The following EPHB1 variants were observed in gnomAD, a reference collection of about 807,000 sequenced individuals.
EPHB1 encodes the protein EPH receptor B1.
A neutral mutation model predicts 94.4 loss-of-function variants in EPHB1; 30 were observed. The observed-to-expected ratio is 0.32, with a 90% CI of 0.24 to 0.43. The LOEUF is 0.43. EPHB1 is among the 20% of genes least tolerant of loss of function. EPHB1 has a pLI of 1.00. For missense variants in EPHB1, 1,055 were observed against 1,308.3 expected, an observed-to-expected ratio of 0.81 and a Z score of 2.99; for synonymous variants, 522 against 489.1, an observed-to-expected ratio of 1.07 and a Z score of -0.89.
chr3:135,152,460 C>G (rs1378539041), intron 5 of EPHB1, among the ~76,000 whole-genome samples: 1 of 152,038 alleles, frequency 6.6e-6, no homozygotes, highest in African/African-American at 2.4e-5. Flanking sequence ...TAATTCAGAC[C>G]CTCCATGAAG....
chr3:135,231,953 T>G (rs538946575), intron 12 of EPHB1, among the ~76,000 whole-genome samples: 2 of 152,152 alleles, frequency 1.3e-5, no homozygotes, highest in African/African-American at 2.4e-5. Context: ...TGGAAAGAAA[T>G]AAGCAGCAGG....
intron 2 of EPHB1, among the ~76,000 whole-genome samples, chr3:134,939,607 C>G (rs969823914): frequency 2.0e-5 from 3 of 152,152 alleles, no homozygotes; most frequent in Admixed American, 2.0e-4. Context: ...AATATCCAAG[C>G]TTTTTCAGGC....
intron 12 of EPHB1, among the ~76,000 whole-genome samples, chr3:135,213,608 T>C (rs1452468954): frequency 6.6e-6 from 1 of 152,168 alleles, no homozygotes; most frequent in Non-Finnish European, 1.5e-5. Context: ...ACGTACACAC[T>C]CACAAACTTG....
chr3:134,913,388 G>A (rs1261926425), intron 1 of EPHB1, among the ~76,000 whole-genome samples: 1 of 152,138 alleles, frequency 6.6e-6, no homozygotes, highest in Non-Finnish European at 1.5e-5. Flanking sequence ...TCATTTTACT[G>A]TAAAGAGAAA....
At position 134,817,940 on chromosome 3, in the gene EPHB1, A is replaced by C. The variant is rs183559410; in HGVS notation, c.58+22251A>C. 7.4e-4 allele frequency among the ~76,000 whole-genome samples: 113 copies of C among 152,328 alleles called. 2 individuals carry two copies. Among genetic ancestry groups the C allele is most frequent in the Non-Finnish European group, 1.2e-4 (8 of 68,030 alleles). On this transcript the variant is annotated intron_variant, in intron 1 of 15. Coordinates refer to ENST00000398015, the MANE Select transcript of EPHB1 (RefSeq NM_004441.5). The stretch of plus-strand genomic sequence containing the variant: ...CTGTCTGCCACATGCAGCCAGGTTC[A>C]CAGACACCTCTTGAGGTCCTGTGCC...
rs189291641 is a variant in EPHB1 at position 134,940,247 on chromosome 3, G to A, written c.124-11124G>A. Among the ~76,000 whole-genome samples, 6 of 152,290 alleles carry A rather than the reference G, an allele frequency of 3.9e-5. No individual in the cohort carries two copies. In the East Asian group the frequency reaches 1.2e-3, roughly 29 times the overall value. On this transcript the variant is annotated intron_variant, in intron 2 of 15. Transcript: ENST00000398015. Reference sequence around the variant, plus strand: ...ATCCTGAGGTTAACATAATCACGATGATGATGATCATAATAATAATGTTAA... The same window carrying A: ...ATCCTGAGGTTAACATAATCACGATAATGATGATCATAATAATAATGTTAA...
At chr3:134,909,920 T>G (rs2038416482) in intron 1 of EPHB1, among the ~76,000 whole-genome samples, 1 of 152,146 alleles carries the variant, frequency 6.6e-6, no homozygotes, top group Admixed American at 6.5e-5. Context: ...AGCCTCAGAC[T>G]TCAGTCCAAA....
chr3:134,876,812 A>G (rs1469479162), intron 1 of EPHB1, among the ~76,000 whole-genome samples: 1 of 152,190 alleles, frequency 6.6e-6, no homozygotes, highest in Non-Finnish European at 1.5e-5. Context: ...CTCCTCCTAA[A>G]GAAAGGGGCT....
intron 1 of EPHB1, among the ~76,000 whole-genome samples, chr3:134,899,022 T>C (rs1341544102): frequency 6.6e-6 from 1 of 152,126 alleles, no homozygotes; most frequent in Non-Finnish European, 1.5e-5. Context: ...CATGTGTCAG[T>C]TCTTGATTGT....
chr3:135,093,012 C>G (rs570761285), intron 3 of EPHB1, among the ~76,000 whole-genome samples: 1 of 152,208 alleles, frequency 6.6e-6, no homozygotes, highest in Admixed American at 6.5e-5. Context: ...CCTTACACTT[C>G]TGATTCCTGC....
intron 1 of EPHB1, among the ~76,000 whole-genome samples, chr3:134,819,630 C>G (rs1457933536): frequency 1.3e-5 from 2 of 152,218 alleles, no homozygotes; most frequent in African/African-American, 4.8e-5. Flanking sequence ...CTCAATGCAG[C>G]AGTGTGGGGT....
chr3:135,221,168 G>A (rs1354066437), intron 12 of EPHB1, among the ~76,000 whole-genome samples: 1 of 152,182 alleles, frequency 6.6e-6, no homozygotes, highest in Non-Finnish European at 1.5e-5. Flanking sequence ...AAGGGCAAAA[G>A]TTTGGCCAAG....
intron 3 of EPHB1, among the ~76,000 whole-genome samples, chr3:135,093,931 T>A (rs933734336): frequency 9.9e-5 from 15 of 152,164 alleles, no homozygotes; most frequent in African/African-American, 3.6e-4. Context: ...CTTGATGGGG[T>A]CATGATTTTC....
intron 3 of EPHB1, among the ~76,000 whole-genome samples, chr3:135,062,597 G>A (rs1937529314): frequency 6.6e-6 from 1 of 152,132 alleles, no homozygotes; most frequent in Non-Finnish European, 1.5e-5. Flanking sequence ...TCCTTTGTCA[G>A]ATGTATAGAT....
intron 9 of EPHB1, among the ~76,000 whole-genome samples, chr3:135,174,160 C>A (rs1376977973): frequency 6.6e-6 from 1 of 152,170 alleles, no homozygotes; most frequent in Non-Finnish European, 1.5e-5. Flanking sequence ...CAAGATGAGC[C>A]CCCCGATGCC....
chr3:134,910,784 C>A (rs905921085), intron 1 of EPHB1, among the ~76,000 whole-genome samples: 1 of 152,202 alleles, frequency 6.6e-6, no homozygotes, highest in Admixed American at 6.5e-5. Context: ...ATCTCACAGA[C>A]AAGAGTGTGC....
Position 134,854,840 on chromosome 3 carries a change from TTG to T in EPHB1, c.58+59153_58+59154del, listed in dbSNP as rs535409136. Among the ~76,000 whole-genome samples the T allele has an allele frequency of 2.2e-3, 331 of 152,334 alleles. 2 individuals are homozygous for T. The highest frequency in any genetic ancestry group is 7.4e-3 in the African/African-American group (308 of 41,578). On this transcript the variant is annotated intron_variant, in intron 1 of 15. Transcript: ENST00000398015. Reference sequence around the variant, plus strand: ...TCACCTATTTTTCTTTAGAGAATTTTTGTTGCCTTTTTTCATATTGTAAAACA... The same window carrying T: ...TCACCTATTTTTCTTTAGAGAATTTTTTGCCTTTTTTCATATTGTAAAACA...
At chr3:134,822,812 G>T (rs2108290505) in intron 1 of EPHB1, among the ~76,000 whole-genome samples, 1 of 152,266 alleles carries the variant, frequency 6.6e-6, no homozygotes, top group Non-Finnish European at 1.5e-5. Flanking sequence ...TCTCAGAAAT[G>T]CTGAGATTGT....
chr3:134,907,773 C>A (rs1182716304), intron 1 of EPHB1, among the ~76,000 whole-genome samples: 2 of 151,566 alleles, frequency 1.3e-5, no homozygotes, highest in Non-Finnish European at 2.9e-5. Context: ...TTTAAAAATT[C>A]AGTAAAGTCT....
Sources: allele counts gnomAD v4.1 joint callset (sites outside exome capture counted in the v4.1 genomes callset), GRCh38; gene constraint gnomAD v4.1.1; transcripts MANE v1.5; gene names NCBI Gene and HGNC (gene_info 2026-07-23, HGNC 2026-07-21).